Variants in NHSL1 observed in about 807,000 individuals in gnomAD.
NHSL1 encodes the protein NHS-like protein 1.
Under a neutral mutation model 95.0 loss-of-function variants are expected in NHSL1, and 48 were observed. That is an observed-to-expected ratio of 0.51 (90% CI 0.40 to 0.64). The LOEUF (loss-of-function observed/expected upper bound fraction) is 0.64, where lower values mean the gene tolerates loss of function less well. Ranked by LOEUF, NHSL1 falls within the 30% of genes least tolerant of loss-of-function variation. The pLI is 0.00. For missense variants in NHSL1, 1,971 were observed against 2,077.7 expected (o/e 0.95, Z 1.00); for synonymous variants, 783 against 833.9 (o/e 0.94, Z 1.05).
chr6:138,601,533 C>A (rs6927430), intron 1 of NHSL1, among the ~76,000 whole-genome samples: 1 of 151,780 alleles, frequency 6.6e-6, no homozygotes, highest in African/African-American at 2.4e-5. Context: ...GTTTTTCTTG[C>A]CCGGGCACGG....
chr6:138,485,457 A>AG (rs1779667586), intron 2 of NHSL1, among the ~76,000 whole-genome samples: 1 of 151,860 alleles, frequency 6.6e-6, no homozygotes. Flanking sequence ...AAAAAAAAAA[A>AG]AAAAAAAAAA....
intron 1 of NHSL1, among the ~76,000 whole-genome samples, chr6:138,537,601 T>C (rs1782410545): frequency 6.6e-6 from 1 of 152,028 alleles, no homozygotes; most frequent in South Asian, 2.1e-4. Flanking sequence ...CTTTACTTAA[T>C]CCTCAATATT....
chr6:138,522,067 T>C (rs1001923061), intron 1 of NHSL1, among the ~76,000 whole-genome samples: 24 of 152,312 alleles, frequency 1.6e-4, no homozygotes, highest in Non-Finnish European at 2.5e-4. Flanking sequence ...GCATTGCGTC[T>C]GGCCACGTGG....
Position 138,692,528 on chromosome 6 carries a change from G to A in NHSL1, c.45C>T (p.Leu15=), listed in dbSNP as rs561769110. The change falls in exon 1 of 4, where the codon CTC becomes CTT. Residue 15 remains leucine, a synonymous_variant. Coordinates refer to the NHSL1 transcript ENST00000491526. The surrounding 1 kb of genome is among the most constrained non-coding windows in gnomAD (Gnocchi z 4.0). ...GCGCAGCGGCGGCTTGCAGGGCGTC[G>A]AGGCGGCGGTGCAGCGCGGCGGTGC... The A allele has an allele frequency of 7.0e-5, 14 of 200,228 alleles. No individual in the cohort carries two copies. The highest frequency in any genetic ancestry group is 6.6e-4 in the South Asian group (9 of 13,618). The allele number at this position is 200,228 out of a possible 1,614,324, so 12.4% of individuals were successfully genotyped here. A position where few individuals can be genotyped will look rare whatever the true frequency, so the allele number is the denominator to read the frequency against.
intron 1 of NHSL1, among the ~76,000 whole-genome samples, chr6:138,620,646 C>T (rs1345927371): frequency 1.3e-5 from 2 of 151,880 alleles, no homozygotes; most frequent in African/African-American, 4.9e-5. Flanking sequence ...ATATAACAAT[C>T]CAAAAGCATG....
intron 1 of NHSL1, among the ~76,000 whole-genome samples, chr6:138,602,184 G>A (rs1161949732): frequency 1.3e-5 from 2 of 152,286 alleles, no homozygotes; most frequent in African/African-American, 4.8e-5. Flanking sequence ...TTACTATGGT[G>A]TGTCTTCCAA....
intron 2 of NHSL1, among the ~76,000 whole-genome samples, chr6:138,485,171 C>T (rs1387431524): frequency 6.6e-6 from 1 of 152,184 alleles, no homozygotes; most frequent in East Asian, 1.9e-4. Flanking sequence ...TCTAAGCCAA[C>T]ACGGGAGACT....
At chr6:138,462,033 AG>A (rs1438526647) in intron 3 of NHSL1, among the ~76,000 whole-genome samples, 2 of 152,188 alleles carry the variant, frequency 1.3e-5, no homozygotes, top group African/African-American at 4.8e-5. Context: ...GAGTCCATTA[AG>A]GAGGAGATGT....
intron 1 of NHSL1, among the ~76,000 whole-genome samples, chr6:138,591,914 T>C (rs1029747514): frequency 1.3e-5 from 2 of 152,134 alleles, no homozygotes; most frequent in African/African-American, 4.8e-5. Context: ...AAAAACATAA[T>C]GTATCTAGGG....
intron 1 of NHSL1, among the ~76,000 whole-genome samples, chr6:138,640,602 TC>T (rs1018920026): frequency 6.6e-6 from 1 of 152,216 alleles, no homozygotes; most frequent in African/African-American, 2.4e-5. Flanking sequence ...AATAACATTT[TC>T]CTTTATCTAG....
chr6:138,430,232 C>A lies in NHSL1; in HGVS notation c.3952+161G>T, dbSNP rs1354089817. Among the ~76,000 whole-genome samples the A allele has an allele frequency of 6.6e-6, 1 of 152,168 alleles. No individual in the cohort carries two copies. Among genetic ancestry groups the A allele is most frequent in the Non-Finnish European group, 1.5e-5 (1 of 68,042 alleles). ...TAATAACAAAATGCAAAGTTGGTAA[C>A]TTAATCTGTGTTTTAACACAGGAAG... On this transcript the variant is annotated intron_variant, in intron 6 of 7. Transcript: ENST00000343505. The surrounding 1 kb of genome is among the most constrained non-coding windows in gnomAD (Gnocchi z 4.7).
At chr6:138,564,230 C>T (rs1245627258) in intron 1 of NHSL1, among the ~76,000 whole-genome samples, 3 of 152,304 alleles carry the variant, frequency 2.0e-5, no homozygotes, top group Admixed American at 2.0e-4. Flanking sequence ...GCATACAGTG[C>T]TACCTATAAC....
intron 3 of NHSL1, among the ~76,000 whole-genome samples, chr6:138,467,609 T>C (rs1490778276): frequency 6.6e-6 from 1 of 152,148 alleles, no homozygotes; most frequent in African/African-American, 2.4e-5. Flanking sequence ...GAACTTCCAG[T>C]AGGACAAGAT....
intron 2 of NHSL1, among the ~76,000 whole-genome samples, chr6:138,479,110 G>A (rs1356314678): frequency 6.6e-6 from 1 of 152,100 alleles, no homozygotes; most frequent in Non-Finnish European, 1.5e-5. Flanking sequence ...ACCACAGACA[G>A]TACCAAATCC....
At chr6:138,600,154 TATTA>T (rs1363693436) in intron 1 of NHSL1, among the ~76,000 whole-genome samples, 2 of 151,816 alleles carry the variant, frequency 1.3e-5, no homozygotes, top group Admixed American at 6.6e-5. Context: ...AAAAAAAAAA[TATTA>T]ATTAATTAAT....
At chr6:138,596,638 A>G (rs1446554007) in intron 1 of NHSL1, among the ~76,000 whole-genome samples, 2 of 152,192 alleles carry the variant, frequency 1.3e-5, no homozygotes, top group African/African-American at 4.8e-5. Context: ...TGAAAGAATC[A>G]GCAGCGCCGC....
At chr6:138,608,847 A>G (rs181838535) in intron 1 of NHSL1, among the ~76,000 whole-genome samples, 34 of 152,304 alleles carry the variant, frequency 2.2e-4, no homozygotes, top group African/African-American at 7.7e-4. Context: ...CTTTTAGGGG[A>G]TTAGGAAGAA....
intron 3 of NHSL1, among the ~76,000 whole-genome samples, chr6:138,467,388 A>G (rs576389403): frequency 6.6e-6 from 1 of 152,196 alleles, no homozygotes; most frequent in East Asian, 1.9e-4. Context: ...TCCTGACCTC[A>G]TGATCCGCCC....
chr6:138,545,699 C>T (rs1005966820), exon 1 of NHSL1: 4 of 1,284,342 alleles, frequency 3.1e-6, no homozygotes, highest in Non-Finnish European at 4.1e-6. Context: ...CAGTGCTAGG[C>T]ACAGCTGTCT....
Sources: gnomAD v4.1 joint callset for allele counts (sites outside exome capture counted in the v4.1 genomes callset) on GRCh38, gnomAD v4.1.1 for gene constraint, Gnocchi (gnomAD v3.1) non-coding constraint, MANE v1.5 for transcripts, NCBI Gene and HGNC (gene_info 2026-07-23, HGNC 2026-07-21) for gene names.